The following GPHN variants were observed in gnomAD, a reference collection of about 807,000 sequenced individuals.
The protein encoded by GPHN is gephyrin.
In GPHN, 17 loss-of-function variants were observed where a neutral mutation model predicts 95.5. The ratio of observed to expected loss-of-function variants is 0.18; its 90% CI spans 0.12 to 0.27. The LOEUF is 0.27. Among genes scored for constraint, GPHN ranks in the 10% least tolerant of loss-of-function variants. The pLI is 1.00. For synonymous variants in GPHN, 320 were observed against 322.5 expected, an observed-to-expected ratio of 0.99 and a Z score of 0.08; for missense variants, 660 against 978.1, an observed-to-expected ratio of 0.67 and a Z score of 4.34.
the GPHN span, chr14:67,677,362 G>GGT: frequency 3.8e-5 from 1 of 26,278 alleles, no homozygotes; most frequent in African/African-American, 1.1e-4. Context: ...TTGTTTTTAG[G>GGT]ATTTTTTTTT....
chr14:66,640,528 G>GT (rs1215391635), intron 1 of GPHN, among the ~76,000 whole-genome samples: 3 of 152,130 alleles, frequency 2.0e-5, no homozygotes, highest in Admixed American at 6.6e-5. Flanking sequence ...TTACTTAACA[G>GT]TTTTTTTATC....
chr14:66,926,358 T>C (rs1385440309), intron 8 of GPHN, among the ~76,000 whole-genome samples: 1 of 152,200 alleles, frequency 6.6e-6, no homozygotes, highest in Non-Finnish European at 1.5e-5. Context: ...TTCCTTTTAG[T>C]GGTTTCATAG....
intron 2 of GPHN, 22 bp from the exon 3 acceptor site, chr14:66,776,442 T>C: frequency 7.1e-7 from 1 of 1,399,856 alleles, no homozygotes. Flanking sequence ...GTTTTGAGAA[T>C]ATTTTCTTCT....
At chr14:67,362,636 A>G in the GPHN span, among the ~76,000 whole-genome samples, 1 of 152,156 alleles carries the variant, frequency 6.6e-6, no homozygotes, top group Non-Finnish European at 1.5e-5. Context: ...TACTATGTTA[A>G]TTGCCTGATT....
At chr14:66,604,892 G>T (rs1219992535) in intron 1 of GPHN, among the ~76,000 whole-genome samples, 1 of 122,200 alleles carries the variant, frequency 8.2e-6, no homozygotes. Flanking sequence ...AATGTCTATT[G>T]TTCTCATCTT....
At chr14:67,581,835 A>C in the GPHN span, 1 of 493,454 alleles carries the variant, frequency 2.0e-6, no homozygotes, top group African/African-American at 1.9e-5. Context: ...CAGTAAGCTT[A>C]ATGGTATCTT....
chr14:67,687,055 G>A, the GPHN span, among the ~76,000 whole-genome samples: 9 of 152,222 alleles, frequency 5.9e-5, no homozygotes, highest in African/African-American at 2.2e-4. Flanking sequence ...TGCCCAATCA[G>A]GCAAAAGGGT....
chr14:67,027,020 G>A (rs1341263368), intron 10 of GPHN, among the ~76,000 whole-genome samples: 1 of 152,136 alleles, frequency 6.6e-6, no homozygotes, highest in Non-Finnish European at 1.5e-5. Context: ...ATTCAATATT[G>A]TGCAAAATAT....
intron 13 of GPHN, among the ~76,000 whole-genome samples, chr14:67,109,783 A>AT (rs1270631562): frequency 1.3e-5 from 2 of 152,122 alleles, no homozygotes; most frequent in Non-Finnish European, 2.9e-5. Flanking sequence ...TGTCCTAGCA[A>AT]TTTTTTTACT....
At chr14:66,906,113 A>G (rs904591383) in intron 5 of GPHN, among the ~76,000 whole-genome samples, 3 of 151,966 alleles carry the variant, frequency 2.0e-5, no homozygotes, top group South Asian at 2.1e-4. Context: ...GAGGTGAAAC[A>G]TGGTATATCC....
At chr14:67,242,700 G>A in the GPHN span, among the ~76,000 whole-genome samples, 4 of 151,858 alleles carry the variant, frequency 2.6e-5, no homozygotes, top group Non-Finnish European at 5.9e-5. Context: ...ATTTGCGGCA[G>A]GATGAGCTAT....
At chr14:66,712,218 G>C (rs1284450865) in intron 2 of GPHN, among the ~76,000 whole-genome samples, 2 of 152,182 alleles carry the variant, frequency 1.3e-5, no homozygotes, top group Admixed American at 1.3e-4. Flanking sequence ...CAGTGTAAAA[G>C]CATTACTATT....
the GPHN span, chr14:67,473,605 G>T: frequency 6.2e-7 from 1 of 1,601,808 alleles, no homozygotes; most frequent in South Asian, 1.1e-5. The surrounding 1 kb of genome is among the most constrained non-coding windows in gnomAD (Gnocchi z 6.5). Flanking sequence ...AAGTCGAACT[G>T]GGAGTAGTCC....
intron 2 of GPHN, among the ~76,000 whole-genome samples, chr14:66,697,461 C>A (rs1490320600): frequency 6.6e-6 from 1 of 152,006 alleles, no homozygotes; most frequent in African/African-American, 2.4e-5. Context: ...CTATTAAAGG[C>A]ACAAGATGAA....
At chr14:67,227,460 A>G in the GPHN span, 2 of 151,890 alleles carry the variant, frequency 1.3e-5, no homozygotes, top group Non-Finnish European at 2.9e-5. Flanking sequence ...AAAAAAGAAA[A>G]AAAAGAAAAA....
intron 1 of GPHN, among the ~76,000 whole-genome samples, chr14:66,628,763 A>T (rs2153332975): frequency 6.6e-6 from 1 of 152,170 alleles, no homozygotes; most frequent in Non-Finnish European, 1.5e-5. Flanking sequence ...CATATTGTAC[A>T]AAAATGTTTT....
chr14:67,292,640 A>T, the GPHN span: 3 of 1,613,760 alleles, frequency 1.9e-6, no homozygotes, highest in Non-Finnish European at 2.5e-6. Flanking sequence ...TTTAAGATAC[A>T]CAATGCCATC....
At chr14:67,437,009 T>A in the GPHN span, among the ~76,000 whole-genome samples, 2 of 152,144 alleles carry the variant, frequency 1.3e-5, no homozygotes, top group Non-Finnish European at 2.9e-5. Context: ...CGAGCCATGA[T>A]TGCACCACTG....
intron 17 of GPHN, among the ~76,000 whole-genome samples, chr14:67,141,420 G>C (rs1209388019): frequency 6.6e-6 from 1 of 152,070 alleles, no homozygotes; most frequent in Non-Finnish European, 1.5e-5. Context: ...CAGTTTGTTG[G>C]GTATGTTTGT....
Sources: gnomAD v4.1 joint callset for allele counts (sites outside exome capture counted in the v4.1 genomes callset) on GRCh38, gnomAD v4.1.1 for gene constraint, Gnocchi (gnomAD v3.1) non-coding constraint, MANE v1.5 for transcripts, NCBI Gene and HGNC (gene_info 2026-07-23, HGNC 2026-07-21) for gene names.